Variants in SOHLH2 observed in about 807,000 individuals in gnomAD.
SOHLH2 encodes the protein spermatogenesis- and oogenesis-specific basic helix-loop-helix-containing protein 2.
In SOHLH2, 22 loss-of-function variants were observed where a neutral mutation model predicts 50.4. The observed-to-expected ratio is 0.44, with a 90% CI of 0.31 to 0.62. The LOEUF (loss-of-function observed/expected upper bound fraction) is 0.62, where lower values mean the gene tolerates loss of function less well. Among genes scored for constraint, SOHLH2 ranks in the 20% least tolerant of loss-of-function variants. SOHLH2 has a pLI of 0.08. For missense variants in SOHLH2, 412 were observed against 504.4 expected (o/e 0.82, Z 1.76); for synonymous variants, 185 against 187.3 (o/e 0.99, Z 0.10).
At chr13:36,180,295 C>T (rs1230629821) in intron 6 of SOHLH2, among the ~76,000 whole-genome samples, 1 of 152,076 alleles carries the variant, frequency 6.6e-6, no homozygotes, top group Non-Finnish European at 1.5e-5. Flanking sequence ...CCCCCTTCAC[C>T]ACCCCACTTA....
intron 6 of SOHLH2, among the ~76,000 whole-genome samples, chr13:36,176,416 C>T (rs1887097728): frequency 6.6e-6 from 1 of 152,170 alleles, no homozygotes; most frequent in Non-Finnish European, 1.5e-5. Flanking sequence ...AACACCTATA[C>T]ACTTACCACT....
At position 36,191,892 on chromosome 13, in the gene SOHLH2, T is replaced by C. The variant is rs1887585114; in HGVS notation, c.433A>G (p.Lys145Glu). 3 of 1,613,892 alleles carry C rather than the reference T, an allele frequency of 1.9e-6. No homozygotes were observed. Among genetic ancestry groups the C allele is most frequent in the Non-Finnish European group, 2.5e-6 (3 of 1,179,820 alleles). Residue 145 changes from lysine (K) to glutamate (E), a missense_variant and splice_region_variant, in exon 5 of 11, where the codon AAG (lysine) becomes GAG (glutamate). Lys to Glu is a moderately conservative substitution (Grantham distance 56). Transcript: ENST00000379881. ...TCAGGCCCAGTTGCGTTTTCAGTCT[T>C]AACTGAAAGTTTTGAGAGGGGAACT... ...YWTTCPSNTV[K>E]TENATGPEEL... is the part of the protein sequence containing the mutation.
intron 1 of SOHLH2, among the ~76,000 whole-genome samples, chr13:36,209,399 G>T (rs1195170710): frequency 6.6e-6 from 1 of 151,916 alleles, no homozygotes; most frequent in Non-Finnish European, 1.5e-5. Flanking sequence ...AAACTGAGTG[G>T]CTTATAAACA....
intron 1 of SOHLH2, among the ~76,000 whole-genome samples, chr13:36,206,192 T>C (rs1202453874): frequency 6.6e-6 from 1 of 152,038 alleles, no homozygotes; most frequent in African/African-American, 2.4e-5. Flanking sequence ...GCACTAGCCA[T>C]ATTTCACATT....
At chr13:36,169,075 C>A in intron 10 of SOHLH2, 21 bp from the exon 11 acceptor site, 1 of 1,603,896 alleles carries the variant, frequency 6.2e-7, no homozygotes, top group Non-Finnish European at 8.5e-7. Context: ...GGGGGAAAAA[C>A]CCACATTAAT....
At chr13:36,176,913 A>G (rs1042417260) in intron 6 of SOHLH2, among the ~76,000 whole-genome samples, 31 of 152,238 alleles carry the variant, frequency 2.0e-4, no homozygotes, top group South Asian at 4.1e-4. Context: ...TCAGGTAAAC[A>G]CTACATAAAA....
intron 1 of SOHLH2, among the ~76,000 whole-genome samples, 167 bp downstream of exon 1, chr13:36,214,312 G>T (rs1486434475): frequency 6.6e-6 from 1 of 152,038 alleles, no homozygotes; most frequent in Non-Finnish European, 1.5e-5. Flanking sequence ...GGCGCCGGGG[G>T]AGAGTGGACT....
intron 1 of SOHLH2, among the ~76,000 whole-genome samples, chr13:36,206,715 T>C (rs1868785573): frequency 6.6e-6 from 1 of 151,944 alleles, no homozygotes; most frequent in Non-Finnish European, 1.5e-5. Context: ...TCTTTGCTTA[T>C]ATTAGGTCTA....
intron 6 of SOHLH2, among the ~76,000 whole-genome samples, chr13:36,188,186 T>C (rs887123248): frequency 2.0e-5 from 3 of 152,146 alleles, no homozygotes; most frequent in Admixed American, 1.3e-4. Context: ...AAACTATGAG[T>C]ACCTCAGTTA....
intron 6 of SOHLH2, among the ~76,000 whole-genome samples, chr13:36,183,622 A>G (rs181258229): frequency 6.6e-6 from 1 of 152,336 alleles, no homozygotes; most frequent in East Asian, 1.9e-4. Context: ...AGTATATTAT[A>G]TGAAAACGAA....
At chr13:36,189,820 C>A in intron 6 of SOHLH2, 126 bp downstream of exon 6, 1 of 864,386 alleles carries the variant, frequency 1.2e-6, no homozygotes, top group Non-Finnish European at 1.7e-6. Context: ...GAGTGAGTGG[C>A]ATCTATTTGT....
At chr13:36,180,967 T>A (rs1387204612) in intron 6 of SOHLH2, among the ~76,000 whole-genome samples, 2 of 152,158 alleles carry the variant, frequency 1.3e-5, no homozygotes, top group Non-Finnish European at 2.9e-5. Flanking sequence ...GAGAGAGGAG[T>A]GTTAAATCTC....
At chr13:36,173,566 A>C (rs1240090490) in intron 9 of SOHLH2, 126 bp downstream of exon 9, 23 of 1,099,366 alleles carry the variant, frequency 2.1e-5, no homozygotes, top group Non-Finnish European at 2.8e-5. Flanking sequence ...TGAGGCTGAC[A>C]ATACCAGAAG....
At chr13:36,171,694 G>GA (rs1395694257) in intron 9 of SOHLH2, among the ~76,000 whole-genome samples, 3 of 152,102 alleles carry the variant, frequency 2.0e-5, no homozygotes, top group Admixed American at 1.3e-4. Context: ...TCATATATGG[G>GA]AAAATATTTC....
intron 9 of SOHLH2, among the ~76,000 whole-genome samples, chr13:36,172,605 T>C (rs1373507101): frequency 6.6e-6 from 1 of 152,256 alleles, no homozygotes; most frequent in Non-Finnish European, 1.5e-5. Flanking sequence ...GTCTGGGCCA[T>C]AATTTCTTTT....
At chr13:36,174,982 T>A in intron 6 of SOHLH2, 113 bp from the exon 7 acceptor site, 1 of 1,388,330 alleles carries the variant, frequency 7.2e-7, no homozygotes, top group South Asian at 1.6e-5. Context: ...ATCCCCTCCC[T>A]ATATAGTCTC....
intron 6 of SOHLH2, among the ~76,000 whole-genome samples, chr13:36,186,893 A>G (rs533514977): frequency 6.6e-6 from 1 of 152,286 alleles, no homozygotes; most frequent in East Asian, 1.9e-4. Flanking sequence ...AACAAACAAA[A>G]ACCCAAAACC....
At chr13:36,169,868 C>T (rs1000597442) in intron 10 of SOHLH2, among the ~76,000 whole-genome samples, 1 of 152,210 alleles carries the variant, frequency 6.6e-6, no homozygotes, top group Non-Finnish European at 1.5e-5. Context: ...ACCTTGCCCA[C>T]ATCTAGCTGA....
intron 2 of SOHLH2, among the ~76,000 whole-genome samples, chr13:36,197,809 G>T (rs1887779245): frequency 6.6e-6 from 1 of 152,216 alleles, no homozygotes. Context: ...AGCTCCTGCT[G>T]CAACATTCAC....
Sources: gnomAD v4.1 joint callset for allele counts (sites outside exome capture counted in the v4.1 genomes callset) on GRCh38, gnomAD v4.1.1 for gene constraint, MANE v1.5 for transcripts, NCBI Gene and HGNC (gene_info 2026-07-23, HGNC 2026-07-21) for gene names.